Variants in NUTF2 observed in about 807,000 individuals in gnomAD.
NUTF2 encodes nuclear transport factor 2.
NUTF2 carries 3 observed loss-of-function variants against 18.5 expected under a neutral mutation model. The ratio of observed to expected loss-of-function variants is 0.16; its 90% CI spans 0.07 to 0.42. The LOEUF is 0.42. Among genes scored for constraint, NUTF2 ranks in the 10% least tolerant of loss-of-function variants. The probability of loss-of-function intolerance (pLI) is 0.99; values close to 1 mark genes in which losing one functional copy is unlikely to be tolerated. For synonymous variants in NUTF2, 51 were observed against 57.9 expected (o/e 0.88, Z 0.54); for missense variants, 44 against 160.7 (o/e 0.27, Z 3.93).
intron 1 of NUTF2, among the ~76,000 whole-genome samples, chr16:67,849,308 C>T (rs574070936): frequency 1.3e-5 from 2 of 152,290 alleles, no homozygotes; most frequent in South Asian, 2.1e-4. Flanking sequence ...GCGTAGTTTG[C>T]GTATTTCATG....
intron 1 of NUTF2, among the ~76,000 whole-genome samples, chr16:67,853,227 T>G (rs1192597814): frequency 1.3e-5 from 2 of 152,120 alleles, no homozygotes; most frequent in Admixed American, 6.5e-5. Context: ...GAGCTGTGAT[T>G]GTGGCACTGC....
intron 1 of NUTF2, among the ~76,000 whole-genome samples, chr16:67,851,146 C>T (rs1409250180): frequency 2.0e-5 from 3 of 151,858 alleles, no homozygotes; most frequent in Non-Finnish European, 4.4e-5. Context: ...TATTCCGTTG[C>T]CTTTGGAGTT....
chr16:67,869,668 C>G (rs1207362713), intron 4 of NUTF2, among the ~76,000 whole-genome samples: 1 of 151,866 alleles, frequency 6.6e-6, no homozygotes, highest in Non-Finnish European at 1.5e-5. Flanking sequence ...GCCTGTAATC[C>G]CATCTACACG....
At chr16:67,859,649 C>T (rs549569717) in intron 1 of NUTF2, among the ~76,000 whole-genome samples, 47 of 152,092 alleles carry the variant, frequency 3.1e-4, no homozygotes, top group Non-Finnish European at 6.5e-4. Context: ...TGAGCCACCG[C>T]GCCTGACCTG....
At chr16:67,870,632 C>T in intron 4 of NUTF2, 168 bp from the exon 5 acceptor site, 1 of 649,696 alleles carries the variant, frequency 1.5e-6, no homozygotes, top group Admixed American at 2.7e-5. Context: ...TTGTTTCATA[C>T]ATTACATCAA....
intron 2 of NUTF2, 87 bp downstream of exon 2, chr16:67,865,316 G>A (rs2057963106): frequency 1.1e-6 from 1 of 927,138 alleles, no homozygotes; most frequent in Non-Finnish European, 1.7e-6. Flanking sequence ...AGTTCTGGCA[G>A]CCCTATCTGG....
At chr16:67,866,421 C>T (rs1227841423) in intron 2 of NUTF2, among the ~76,000 whole-genome samples, 1 of 151,544 alleles carries the variant, frequency 6.6e-6, no homozygotes, top group East Asian at 1.9e-4. Flanking sequence ...ATTCTTGTGC[C>T]TAGCCTCAGG....
rs751394830 is a variant in NUTF2, at chr16:67,868,498, T to C, written c.172-3T>C. 1 of 1,614,120 alleles carries C rather than the reference T, an allele frequency of 6.2e-7. No homozygotes were observed. Among genetic ancestry groups the C allele is most frequent in the South Asian group, 1.1e-5 (1 of 91,084 alleles). The stretch of plus-strand genomic sequence containing the variant: ...CTCCCACCTCCCACTCTCTCTCTTG[T>C]AGAGCCTTCCGTTCCAGAAAATTCA... On this transcript the variant is annotated splice_region_variant and splice_polypyrimidine_tract_variant and intron_variant, in intron 3 of 4. Transcript: ENST00000219169.
rs762704630 is a variant in NUTF2 at position 67,865,804 on chromosome 16, C to T, written c.99+575C>T. ...CTCGATCTCAGCTCACTGCAAGCTC[C>T]GCCTCCTGGGTTCAAGTGATTCTCC... is the stretch of plus-strand genomic sequence containing the variant. On this transcript the variant is annotated intron_variant, in intron 2 of 4. Transcript: ENST00000219169. Among the ~76,000 whole-genome samples, 7 of 151,488 alleles carry T rather than the reference C, an allele frequency of 4.6e-5. No homozygotes were observed. The South Asian group carries it at 1.0e-3, about 23-fold the overall frequency.
intron 1 of NUTF2, 196 bp downstream of exon 1, chr16:67,847,181 G>A (rs1479065223): frequency 2.0e-5 from 3 of 152,024 alleles, no homozygotes; most frequent in Admixed American, 1.3e-4. Flanking sequence ...CGGCGGCCGG[G>A]GGTAACGCAC....
Position 67,850,907 on chromosome 16 carries a change from TCTC to T in NUTF2, c.-30+3925_-30+3927del, listed in dbSNP as rs375266796. Reference sequence around the variant, plus strand: ...CCTCCGCCTCCTGGGTTCAAGCAATTCTCCTGCCTCAGCCACCCGAGTAGCTGA... The same window carrying T: ...CCTCCGCCTCCTGGGTTCAAGCAATTCTGCCTCAGCCACCCGAGTAGCTGA... On this transcript the variant is annotated intron_variant, in intron 1 of 4. Coordinates refer to ENST00000219169, the MANE Select transcript of NUTF2 (RefSeq NM_005796.3). 2.9e-3 allele frequency among the ~76,000 whole-genome samples: 448 copies of T among 151,940 alleles called. 4 individuals are homozygous for T. The highest frequency in any genetic ancestry group is 0.01 in the African/African-American group (430 of 41,462).
intron 1 of NUTF2, among the ~76,000 whole-genome samples, chr16:67,864,063 G>C (rs2057952105): frequency 6.6e-6 from 1 of 152,198 alleles, no homozygotes; most frequent in Admixed American, 6.5e-5. Flanking sequence ...CTTTCCCTCT[G>C]ATCCTTGAAC....
intron 1 of NUTF2, among the ~76,000 whole-genome samples, chr16:67,863,508 G>A (rs746414288): frequency 1.3e-5 from 2 of 152,156 alleles, no homozygotes; most frequent in Non-Finnish European, 2.9e-5. Flanking sequence ...GAGGTCACAC[G>A]GACTGGAGTG....
rs576661309 is a variant in NUTF2 at position 67,851,615 on chromosome 16, G to A, written c.-30+4630G>A. 1.8e-4 allele frequency among the ~76,000 whole-genome samples: 27 copies of A among 152,124 alleles called. 1 individual carries two copies. Among genetic ancestry groups the A allele is most frequent in the Admixed American group, 1.3e-3 (20 of 15,276 alleles). On this transcript the variant is annotated intron_variant, in intron 1 of 4. Coordinates refer to ENST00000219169, the MANE Select transcript of NUTF2 (RefSeq NM_005796.3). Reference sequence around the variant, plus strand: ...GTTGATGTGCTGCACCCATTAACTCGTCATTTACATTAGGTGTATCTCCTA... The same window carrying A: ...GTTGATGTGCTGCACCCATTAACTCATCATTTACATTAGGTGTATCTCCTA...
At chr16:67,867,756 G>T (rs1034612670) in intron 2 of NUTF2, among the ~76,000 whole-genome samples, 1 of 152,004 alleles carries the variant, frequency 6.6e-6, no homozygotes, top group Non-Finnish European at 1.5e-5. Context: ...GTGCGATTTC[G>T]GCTCGCTACA....
At chr16:67,851,171 G>C (rs749382001) in intron 1 of NUTF2, among the ~76,000 whole-genome samples, 1 of 151,862 alleles carries the variant, frequency 6.6e-6, no homozygotes, top group Non-Finnish European at 1.5e-5. Flanking sequence ...GTTTGGGAGG[G>C]GAATAATTAC....
intron 1 of NUTF2, among the ~76,000 whole-genome samples, chr16:67,864,509 CA>C (rs572931294): frequency 2.9e-3 from 155 of 53,076 alleles, no homozygotes; most frequent in East Asian, 0.011. Flanking sequence ...AACTCTGTCT[CA>C]AAAAAAAAAA....
Position 67,871,156 on chromosome 16 carries a change from G to T in NUTF2, c.*243G>T. On this transcript the variant is annotated 3_prime_UTR_variant, in exon 5 of 5. Transcript: ENST00000219169. ...TGGAAAGACTTAAGTAATGCAAAAG[G>T]TTGTCCTTTTTTTTTTTTTTTTTTT... The T allele has an allele frequency of 3.2e-6, 1 of 309,226 alleles. No homozygotes were observed. Among genetic ancestry groups the T allele is most frequent in the Non-Finnish European group, 5.8e-6 (1 of 171,470 alleles). The allele number at this position is 309,226 out of a possible 1,614,324, so 19.2% of individuals were successfully genotyped here. A position where few individuals can be genotyped will look rare whatever the true frequency, so the allele number is the denominator to read the frequency against.
intron 1 of NUTF2, among the ~76,000 whole-genome samples, chr16:67,848,978 T>A (rs1333299988): frequency 6.6e-6 from 1 of 152,230 alleles, no homozygotes; most frequent in Non-Finnish European, 1.5e-5. Context: ...TTTTCTTGCA[T>A]ATGAATTGCT....
Sources: allele counts gnomAD v4.1 joint callset (sites outside exome capture counted in the v4.1 genomes callset), GRCh38; gene constraint gnomAD v4.1.1; transcripts MANE v1.5; gene names NCBI Gene and HGNC (gene_info 2026-07-23, HGNC 2026-07-21).